The following RYR2 variants were observed in gnomAD, a reference collection of about 807,000 sequenced individuals.
RYR2 encodes the protein ryanodine receptor 2.
In RYR2, 227 loss-of-function variants were observed where a neutral mutation model predicts 601.1. That is an observed-to-expected ratio of 0.38 (90% CI 0.34 to 0.42). The LOEUF (loss-of-function observed/expected upper bound fraction) is 0.42. Among genes scored for constraint, RYR2 ranks in the 10% least tolerant of loss-of-function variants. The pLI, the probability that RYR2 is intolerant of heterozygous loss-of-function variation, is 1.00. For missense variants in RYR2, 4,646 were observed against 6,156.5 expected, an observed-to-expected ratio of 0.75 and a Z score of 8.21; for synonymous variants, 2,223 against 2,175.1, an observed-to-expected ratio of 1.02 and a Z score of -0.61.
chr1:237,165,543 T>G (rs1001663040), intron 1 of RYR2, among the ~76,000 whole-genome samples: 2 of 152,186 alleles, frequency 1.3e-5, no homozygotes, highest in African/African-American at 4.8e-5. Context: ...TATTGTTTAA[T>G]ATAGTTTAAA....
Position 237,756,385 on chromosome 1 carries a change from A to G in RYR2, c.11243A>G (p.Lys3748Arg), listed in dbSNP as rs1166553884. 1.2e-6 allele frequency: 2 copies of G among 1,607,662 alleles called. No homozygotes were observed. The highest frequency in any genetic ancestry group is 1.7e-6 in the Non-Finnish European group (2 of 1,175,114). The change falls in exon 81 of 105, where the codon AAA becomes AGA. Residue 3748 changes from lysine to arginine, a missense_variant and splice_region_variant. By Grantham distance (26) the Lys-to-Arg change is conservative. Around this residue, in one of 17 missense-constraint regions of RYR2, gnomAD observed 1,497 missense variants for 1,842.6 expected, o/e 0.81. Transcript: ENST00000366574. ...EMVLQTISAS[K>R]GETGPMVAAT... ...GTGCTACAGACAATCAGTGCCAGCA[A>G]AGGTAAGGTTCCTTGAGTTCCCCTC...
rs576436546 is a variant in RYR2, at chr1:237,256,234, T to C, written c.49-14263T>C. Among the ~76,000 whole-genome samples the C allele has an allele frequency of 3.8e-4, 58 of 152,314 alleles. No homozygotes were observed. In the South Asian group the frequency reaches 6.2e-3, roughly 16 times the overall value. On this transcript the variant is annotated intron_variant, in intron 1 of 104. Transcript: ENST00000366574. Reference sequence around the variant, plus strand: ...TTCTCTTGCCTGCCGCCGTGTAAGATGTGCCTTTCGCCTTCTGCCATGATT... The same window carrying C: ...TTCTCTTGCCTGCCGCCGTGTAAGACGTGCCTTTCGCCTTCTGCCATGATT...
At chr1:237,331,804 G>T in intron 3 of RYR2, among the ~76,000 whole-genome samples, 2 of 151,922 alleles carry the variant, frequency 1.3e-5, no homozygotes, top group Admixed American at 1.3e-4. Flanking sequence ...GTGAGCCACC[G>T]CGCCCAGCCC....
intron 70 of RYR2, among the ~76,000 whole-genome samples, chr1:237,710,248 T>A (rs1429929974): frequency 6.6e-6 from 1 of 152,184 alleles, no homozygotes; most frequent in Non-Finnish European, 1.5e-5. Flanking sequence ...TGAATTATTT[T>A]AAAAATTTAG....
intron 48 of RYR2, among the ~76,000 whole-genome samples, chr1:237,647,551 T>G (rs1682302955): frequency 1.3e-5 from 2 of 152,254 alleles, no homozygotes; most frequent in Admixed American, 1.3e-4. Context: ...TAAAATTTTT[T>G]CATTGACTAT....
At chr1:237,237,493 T>G (rs1405869292) in intron 1 of RYR2, among the ~76,000 whole-genome samples, 1 of 152,060 alleles carries the variant, frequency 6.6e-6, no homozygotes, top group Non-Finnish European at 1.5e-5. Context: ...CTCCTCCCTT[T>G]GGAATTCAGG....
At chr1:237,681,263 A>G (rs1312359798) in intron 62 of RYR2, among the ~76,000 whole-genome samples, 1 of 152,230 alleles carries the variant, frequency 6.6e-6, no homozygotes, top group Non-Finnish European at 1.5e-5. Context: ...ATTTCTATAA[A>G]AGTGAATACA....
At chr1:237,053,543 G>A (rs1047142785) in intron 1 of RYR2, among the ~76,000 whole-genome samples, 1 of 152,158 alleles carries the variant, frequency 6.6e-6, no homozygotes, top group Non-Finnish European at 1.5e-5. Context: ...AAGAGGATAC[G>A]GAAACTGGTG....
intron 27 of RYR2, among the ~76,000 whole-genome samples, chr1:237,556,127 C>T (rs964314854): frequency 6.6e-6 from 1 of 151,946 alleles, no homozygotes; most frequent in Non-Finnish European, 1.5e-5. Context: ...TTCGTAACAC[C>T]GTTGTGGACA....
chr1:237,313,122 T>G (rs1694735483), intron 2 of RYR2, among the ~76,000 whole-genome samples: 1 of 152,186 alleles, frequency 6.6e-6, no homozygotes, highest in African/African-American at 2.4e-5. Context: ...TTTTTAATTT[T>G]AATTTTTAAA....
At chr1:237,324,554 C>G (rs2149538405) in intron 2 of RYR2, among the ~76,000 whole-genome samples, 1 of 152,290 alleles carries the variant, frequency 6.6e-6, no homozygotes, top group East Asian at 1.9e-4. Context: ...AGCTCTCAAT[C>G]TGATTTAGGG....
At chr1:237,301,665 GTCTT>G (rs1265905863) in intron 2 of RYR2, among the ~76,000 whole-genome samples, 12 of 152,134 alleles carry the variant, frequency 7.9e-5, no homozygotes, top group Admixed American at 3.3e-4. Flanking sequence ...TGACTTTTGT[GTCTT>G]TCTAAGAACA....
chr1:237,617,605 C>A (rs1187884587), intron 38 of RYR2, 119 bp downstream of exon 38: 2 of 961,718 alleles, frequency 2.1e-6, no homozygotes, highest in East Asian at 5.2e-5. Context: ...TTAAAGTCTT[C>A]AAGTTGATTT....
intron 2 of RYR2, among the ~76,000 whole-genome samples, chr1:237,276,209 C>T (rs941301205): frequency 6.6e-6 from 1 of 152,152 alleles, no homozygotes; most frequent in Admixed American, 6.5e-5. Context: ...AAGCAATTCT[C>T]CTTTCTCAGC....
intron 92 of RYR2, 69 bp downstream of exon 92, chr1:237,788,204 TGTTTGCTGACCTCTCC>T: frequency 7.6e-7 from 1 of 1,316,098 alleles, no homozygotes; most frequent in Non-Finnish European, 1.0e-6. Flanking sequence ...GCTCAGTAAA[TGTTTGCTGACCTCTCC>T]CTGAGTGGCA....
chr1:237,424,317 G>C (rs1008869739), intron 12 of RYR2, among the ~76,000 whole-genome samples: 1 of 152,136 alleles, frequency 6.6e-6, no homozygotes, highest in Admixed American at 6.6e-5. Context: ...ATTTGACTTT[G>C]TATTTCTGCA....
intron 10 of RYR2, among the ~76,000 whole-genome samples, chr1:237,393,861 C>T (rs188325698): frequency 1.3e-3 from 200 of 152,254 alleles, no homozygotes; most frequent in African/African-American, 4.5e-3. Flanking sequence ...GGTCTAGAGC[C>T]GCACTCTCAA....
At chr1:237,487,163 T>C (rs1184343902) in intron 17 of RYR2, among the ~76,000 whole-genome samples, 1 of 152,166 alleles carries the variant, frequency 6.6e-6, no homozygotes, top group Non-Finnish European at 1.5e-5. Flanking sequence ...CTTGGTCTTA[T>C]TGAATGTATT....
At chr1:237,828,644 G>A (rs1024901257) in intron 102 of RYR2, among the ~76,000 whole-genome samples, 199 bp downstream of exon 102, 2 of 152,316 alleles carry the variant, frequency 1.3e-5, no homozygotes, top group East Asian at 3.9e-4. Context: ...GACGCCACAT[G>A]CATGCAAACA....
Sources: gnomAD v4.1 joint callset for allele counts (sites outside exome capture counted in the v4.1 genomes callset) on GRCh38, gnomAD v4.1.1 for gene constraint, gnomAD v4.1.1 regional missense constraint, MANE v1.5 for transcripts, NCBI Gene and HGNC (gene_info 2026-07-23, HGNC 2026-07-21) for gene names.